Variants in SSR4 observed in about 807,000 individuals in gnomAD.
SSR4 encodes translocon-associated protein subunit delta.
For synonymous variants in SSR4, 84 were observed against 65.6 expected (o/e 1.28, Z -1.35); for missense variants, 125 against 148.8 (o/e 0.84, Z 0.83).
At chrX:153,794,609 A>C, upstream of SSR4, 2 of 1,202,109 alleles carry the variant, frequency 1.7e-6, no homozygotes, top group Non-Finnish European at 2.2e-6. Context: ...TGCCGCTGCC[A>C]CTTACGCGTC....
chrX:153,796,035 A>T, intron 1 of SSR4: 1 of 187,265 alleles, frequency 5.3e-6, no homozygotes, highest in Non-Finnish European at 8.8e-6. Context: ...CCCACCCCCG[A>T]TGTCTCTGCT....
Position 153,797,465 on chromosome X carries a change from C to T in SSR4, c.194C>T (p.Ala65Val), listed in dbSNP as rs781822476. The T allele has an allele frequency of 3.3e-6, 4 of 1,211,155 alleles. No homozygotes were observed. In the African/African-American group the frequency reaches 6.9e-5, roughly 21 times the overall value. Reference sequence around the variant, plus strand: ...CTTTGTTCCCTCACCCAGAACATGGCTCTCTATGCTGACGTCGGTGGAAAA... The same window carrying T: ...CTTTGTTCCCTCACCCAGAACATGGTTCTCTATGCTGACGTCGGTGGAAAA... ...LTCKNRVQNM[A>V]LYADVGGKQF... The change falls in exon 3 of 6, where the codon GCT (alanine) becomes GTT (valine). Residue 65 changes from alanine to valine, a missense_variant. Physicochemically the swap from Ala to Val is moderately conservative, Grantham distance 64. Transcript: ENST00000370086.
intron 2 of SSR4, 56 bp from the exon 3 acceptor site, chrX:153,797,402 C>T (rs915145703): frequency 5.5e-6 from 6 of 1,094,791 alleles, no homozygotes; most frequent in Non-Finnish European, 7.6e-6. Context: ...CACAGGGCTC[C>T]TCTGCCCACA....
upstream of SSR4, chrX:153,794,221 G>A (rs370801052): frequency 2.6e-4 from 302 of 1,167,559 alleles, 2 homozygotes; most frequent in African/African-American, 5.0e-3. Context: ...CGCTGCCGCG[G>A]TCCCGTGGCT....
At chrX:153,795,796 C>T (rs1266480698) in intron 1 of SSR4, 1 of 754,018 alleles carries the variant, frequency 1.3e-6, no homozygotes, top group Non-Finnish European at 1.6e-6. Context: ...TTGTTTCACA[C>T]CCTCTGATGT....
Position 153,797,469 on chromosome X carries a change from C to T in SSR4, c.198C>T (p.Leu66=). The part of the protein sequence containing the change: ...TCKNRVQNMA[L]YADVGGKQFP... ...GTTCCCTCACCCAGAACATGGCTCT[C>T]TATGCTGACGTCGGTGGAAAACAAT... Residue 66 remains leucine (L), a synonymous_variant, in exon 3 of 6, where the codon CTC becomes CTT. Transcript: ENST00000370086. 1 of 1,211,495 alleles carries T rather than the reference C, an allele frequency of 8.3e-7. No individual in the cohort carries two copies. The highest frequency in any genetic ancestry group is 1.1e-6 in the Non-Finnish European group (1 of 895,050).
At chrX:153,795,319 T>G (rs2092132939) in intron 1 of SSR4, 1 of 113,656 alleles carries the variant, frequency 8.8e-6, no homozygotes, top group Non-Finnish European at 1.9e-5. Context: ...AGGTCTGAAC[T>G]CCAGAGTGTG....
At chrX:153,794,793 G>C (rs782321163) in intron 1 of SSR4, 39 bp downstream of exon 1, 8 of 1,194,617 alleles carry the variant, frequency 6.7e-6, no homozygotes, top group Non-Finnish European at 9.0e-6. Context: ...GCGAGCCTCT[G>C]ACCCACGGCA....
chrX:153,796,507 C>T lies in SSR4; in HGVS notation c.141C>T (p.Thr47=), dbSNP rs183969617. 2.3e-5 allele frequency: 28 copies of T among 1,209,347 alleles called. No homozygotes were observed. The East Asian group carries it at 2.4e-4, about 10-fold the overall frequency. ...CTGACGCTGTCATTTCCACTGAGAC[C>T]GTCTTCATTGTGGAGATCTCCCTGA... ...TTSDAVISTE[T]VFIVEISLTC... is the part of the protein sequence containing the mutation. The change falls in exon 2 of 6, where the codon ACC becomes ACT. Residue 47 remains threonine (T), a synonymous_variant. Transcript: ENST00000370086.
At position 153,796,605 on chromosome X, in the gene SSR4, C is replaced by G. The variant is rs782595422; in HGVS notation, c.186+53C>G. ...GGCGGGTGGGGGGTGCTCCTCACTG[C>G]TAGTTGATGGGGGACCTGTGTCGAT... On this transcript the variant is annotated intron_variant, in intron 2 of 5. Coordinates refer to ENST00000370086, the MANE Select transcript of SSR4 (RefSeq NM_006280.3). The G allele has an allele frequency of 2.9e-5, 26 of 891,645 alleles. No individual in the cohort carries two copies. The East Asian group carries it at 7.5e-4, about 26-fold the overall frequency. The allele number at this position is 891,645 out of a possible 1,213,427, so 73.5% of individuals were successfully genotyped here. A position where few individuals can be genotyped will look rare whatever the true frequency, so the allele number is the denominator to read the frequency against.
upstream of SSR4, chrX:153,794,459 C>G (rs2092125703): frequency 8.8e-7 from 1 of 1,142,772 alleles, no homozygotes; most frequent in Admixed American, 2.7e-5. Flanking sequence ...GATTCACGCC[C>G]CCTTCCGGCG....
At chrX:153,794,632 T>A, upstream of SSR4, 1 of 1,209,951 alleles carries the variant, frequency 8.3e-7, no homozygotes, top group Non-Finnish European at 1.1e-6. Flanking sequence ...TCTTCCTCGT[T>A]TGCCCCTCGT....
chrX:153,794,891 C>A, intron 1 of SSR4, 137 bp downstream of exon 1: 1 of 767,223 alleles, frequency 1.3e-6, no homozygotes, highest in Non-Finnish European at 1.8e-6. Flanking sequence ...AGGCAGGCGG[C>A]CTTGGGACGG....
chrX:153,794,580 C>T, upstream of SSR4: 2 of 1,185,958 alleles, frequency 1.7e-6, no homozygotes, highest in Middle Eastern at 4.6e-4. Context: ...CCGGCCCAGC[C>T]GTTCGGTGCG....
Position 153,798,388 on chromosome X carries a change from G to C in SSR4, c.477G>C (p.Val159=). The part of the protein sequence containing the change: ...TEVLAAAIGL[V]IYYLAFSAKS... ...TGCTGGCTGCGGCGATCGGCCTTGT[G>C]ATCTACTACTTGGCCTTCAGTGCGA... The change falls in exon 6 of 6, where the codon GTG becomes GTC. Residue 159 remains valine, a synonymous_variant. Transcript: ENST00000370086. The C allele has an allele frequency of 8.3e-7, 1 of 1,203,638 alleles. No individual in the cohort carries two copies. Among genetic ancestry groups the C allele is most frequent in the Non-Finnish European group, 1.1e-6 (1 of 891,385 alleles).
chrX:153,797,540 G>T lies in SSR4; in HGVS notation c.261+8G>T. The T allele has an allele frequency of 8.3e-7, 1 of 1,206,410 alleles. No homozygotes were observed. Among genetic ancestry groups the T allele is most frequent in the Non-Finnish European group, 1.1e-6 (1 of 890,465 alleles). ...GATGTGGGGCGTTATCAGGTGAGGG[G>T]CCAATGGTTCCCTTGCTAGGGGGCT... On this transcript the variant is annotated splice_region_variant and intron_variant, in intron 3 of 5. Transcript: ENST00000370086.
chrX:153,794,750 C>G lies in SSR4; in HGVS notation c.63C>G (p.Cys21Trp). 8.3e-7 allele frequency: 1 copy of G among 1,211,135 alleles called. No homozygotes were observed. Among genetic ancestry groups the G allele is most frequent in the Non-Finnish European group, 1.1e-6 (1 of 895,079 alleles). The change falls in exon 1 of 6, where the codon TGC becomes TGG. Residue 21 changes from cysteine (C) to tryptophan (W), a missense_variant. By Grantham distance (215) the Cys-to-Trp change is radical. Coordinates refer to ENST00000370086, the MANE Select transcript of SSR4 (RefSeq NM_006280.3). The stretch of plus-strand genomic sequence containing the variant: ...TCCTGCTGTCCAGCCTCTCCCGCTG[C>G]TCAGGTAGCGGCCCAGCCGGGGCTT... ...ALLLLSSLSR[C>W]SAEACLEPQI...
At position 153,797,263 on chromosome X, in the gene SSR4, C is replaced by A; in HGVS notation, c.187-195C>A. 5 of 443,752 alleles carry A rather than the reference C, an allele frequency of 1.1e-5. No individual in the cohort carries two copies. In the South Asian group the frequency reaches 1.3e-4, roughly 12 times the overall value. 36.6% of individuals were successfully genotyped at this position (443,752 alleles called of 1,213,427 possible). A position where few individuals can be genotyped will look rare whatever the true frequency, so the allele number is the denominator to read the frequency against. ...CCGGCCATGGGGATCTGGCCTTGTG[C>A]CCCCGTAGGGAAGACCAATGCAGAG... On this transcript the variant is annotated intron_variant, in intron 2 of 5. Transcript: ENST00000370086.
At chrX:153,794,238 C>G (rs782220175), upstream of SSR4, 3 of 1,184,495 alleles carry the variant, frequency 2.5e-6, no homozygotes, top group Non-Finnish European at 3.4e-6. Context: ...GGCTCTTTCC[C>G]TGCTCACCTC....
Sources: allele counts gnomAD v4.1 joint callset, GRCh38; gene constraint gnomAD v4.1.1; transcripts MANE v1.5; gene names NCBI Gene and HGNC (gene_info 2026-07-23, HGNC 2026-07-21).